The following FLNA variants were observed in gnomAD, a reference collection of about 807,000 sequenced individuals.
FLNA encodes the protein filamin A.
FLNA carries 7 observed loss-of-function variants against 157.6 expected under a neutral mutation model. The ratio of observed to expected loss-of-function variants is 0.04; its 90% CI spans 0.03 to 0.08. The LOEUF (loss-of-function observed/expected upper bound fraction) is 0.08. Among genes scored for constraint, FLNA ranks in the 10% least tolerant of loss-of-function variants. The pLI is 1.00. For synonymous variants in FLNA, 1,103 were observed against 1,060.8 expected (o/e 1.04, Z -0.77); for missense variants, 1,750 against 2,398.4 (o/e 0.73, Z 5.65).
At position 154,349,535 on chromosome X, in the gene FLNA, T is replaced by C; in HGVS notation, c.7583A>G (p.His2528Arg). The C allele has an allele frequency of 8.3e-7, 1 of 1,212,053 alleles. No homozygotes were observed. The highest frequency in any genetic ancestry group is 3.0e-5 in the East Asian group (1 of 33,857). ...GTCTACAAACACTGATGATGTCTCG[T>C]GGAGGCTGTGGTTGCTGACGAGACG... is the stretch of plus-strand genomic sequence containing the variant. ...GPRLVSNHSLHETSSVFVDSL... is the reference protein window; with the variant it reads ...GPRLVSNHSLRETSSVFVDSL... The change falls in exon 47 of 48, where the codon CAC (histidine) becomes CGC (arginine). Residue 2528 changes from histidine (H) to arginine (R), a missense_variant. His to Arg is a conservative substitution (Grantham distance 29, BLOSUM62 0). This residue lies in a region of FLNA where 970 missense variants were observed against 1,302.6 expected (regional missense o/e 0.74). Coordinates refer to ENST00000369850, the MANE Select transcript of FLNA (RefSeq NM_001110556.2).
rs2067608239 is a variant in FLNA at position 154,350,186 on chromosome X, A to T, written c.7178T>A (p.Ile2393Asn). The T allele has an allele frequency of 8.3e-7, 1 of 1,211,636 alleles. No homozygotes were observed. Residue 2393 changes from isoleucine (I) to asparagine (N), a missense_variant, in exon 45 of 48, where the codon ATC becomes AAC. This residue lies in a region of FLNA where 970 missense variants were observed against 1,302.6 expected (regional missense o/e 0.74). Coordinates refer to ENST00000369850, the MANE Select transcript of FLNA (RefSeq NM_001110556.2). ...CAGGTAAACGCCATTCTCCCGAGGG[A>T]TGAAGCGCACAGCATACTTATCTGA... ...IDQDKYAVRF[I>N]PRENGVYLID...
intron 9 of FLNA, 82 bp downstream of exon 9, chrX:154,365,942 C>A (rs1242207602): frequency 1.0e-6 from 1 of 968,573 alleles, no homozygotes; most frequent in Admixed American, 2.7e-5. Context: ...CGGGCTGCAG[C>A]GGGACTGGCC....
intron 44 of FLNA, 31 bp from the exon 45 acceptor site, chrX:154,350,238 G>A (rs1557175478): frequency 8.5e-7 from 1 of 1,181,091 alleles, no homozygotes; most frequent in Non-Finnish European, 1.2e-6. Context: ...CTGTGGGCCT[G>A]GGGCCCCTCC....
At position 154,349,466 on chromosome X, in the gene FLNA, C is replaced by T. The variant is rs1557175283; in HGVS notation, c.7652G>A (p.Gly2551Asp). 8.3e-7 allele frequency: 1 copy of T among 1,211,873 alleles called. No individual in the cohort carries two copies. Among genetic ancestry groups the T allele is most frequent in the East Asian group, 3.0e-5 (1 of 33,883 alleles). ...CTTGCTGGCGTCAGCAGGCCCAGGA[C>T]CCGGGGCCCCATGCTGGGGGGCACA... Reference protein sequence around the residue: ...ATCAPQHGAPGPGPADASKVV... With the variant: ...ATCAPQHGAPDPGPADASKVV... The change falls in exon 47 of 48, where the codon GGT (glycine) becomes GAT (aspartate). Residue 2551 changes from glycine (G) to aspartate (D), a missense_variant. Coordinates refer to ENST00000369850, the MANE Select transcript of FLNA (RefSeq NM_001110556.2).
At position 154,358,971 on chromosome X, in the gene FLNA, T is replaced by C. The variant is rs2067682749; in HGVS notation, c.4474+13A>G. The C allele has an allele frequency of 8.3e-7, 1 of 1,208,599 alleles. No homozygotes were observed. The highest frequency in any genetic ancestry group is 1.1e-6 in the Non-Finnish European group (1 of 894,365). On this transcript the variant is annotated intron_variant, in intron 26 of 47. Transcript: ENST00000369850. ...CCCTCCTGACCCCTGGCTCCAGGCA[T>C]GCAAACACTCACCTTTGGGCCCTTG... is the stretch of plus-strand genomic sequence containing the variant.
At position 154,366,747 on chromosome X, in the gene FLNA, G is replaced by C. The variant is rs781806385; in HGVS notation, c.972C>G (p.Ala324=). The change falls in exon 6 of 48, where the codon GCC becomes GCG. Residue 324 remains alanine, a synonymous_variant. Transcript: ENST00000369850. ...GEVLVYVEDP[A]GHQEEAKVTA... ...CTGGCCCTACCTCCTCCTGGTGTCCGGCCGGGTCCTCCACGTACACCAGCA... is the reference window on the plus strand; with the variant it reads ...CTGGCCCTACCTCCTCCTGGTGTCCCGCCGGGTCCTCCACGTACACCAGCA... The C allele has an allele frequency of 3.3e-6, 4 of 1,209,952 alleles. No individual in the cohort carries two copies. In the East Asian group the frequency reaches 8.9e-5, roughly 27 times the overall value.
chrX:154,358,586 G>A lies in FLNA; in HGVS notation c.4475-18C>T. On this transcript the variant is annotated intron_variant, in intron 26 of 47. Coordinates refer to ENST00000369850, the MANE Select transcript of FLNA (RefSeq NM_001110556.2). ...CACCAGGCCTGGCCCCAGCCCCAGG[G>A]ACAGAGCATCAGCTAGTCTCCTGGG... 1 of 1,207,257 alleles carries A rather than the reference G, an allele frequency of 8.3e-7. No individual in the cohort carries two copies. Among genetic ancestry groups the A allele is most frequent in the South Asian group, 1.8e-5 (1 of 56,906 alleles).
chrX:154,351,763 T>C (rs2067621578), intron 42 of FLNA, 67 bp from the exon 43 acceptor site: 1 of 1,117,680 alleles, frequency 8.9e-7, no homozygotes, highest in Non-Finnish European at 1.2e-6. Context: ...ACGAACAGCC[T>C]GGGTGGCCCT....
At chrX:154,371,925 G>C (rs1471158318) in intron 1 of FLNA, among the ~76,000 whole-genome samples, 1 of 113,689 alleles carries the variant, frequency 8.8e-6, no homozygotes, top group Non-Finnish European at 1.9e-5. Flanking sequence ...AGGCACTGCC[G>C]AGGGCGCTTT....
At chrX:154,367,798 T>A (rs782028351) in intron 3 of FLNA, 44 bp downstream of exon 3, 26 of 1,208,652 alleles carry the variant, frequency 2.2e-5, no homozygotes, top group Non-Finnish European at 2.9e-5. Context: ...GGGCCACCCA[T>A]GGGTGACCCC....
chrX:154,353,371 G>A lies in FLNA; in HGVS notation c.5947C>T (p.Leu1983=). The change falls in exon 37 of 48, where the codon CTG becomes TTG. Residue 1983 remains leucine, a synonymous_variant. Coordinates refer to ENST00000369850, the MANE Select transcript of FLNA (RefSeq NM_001110556.2). ...GAGGGCGGGACCACAGTGGCCGTCAGCAGGCTGAGATCCGTCTCTGAGATG... is the reference window on the plus strand; with the variant it reads ...GAGGGCGGGACCACAGTGGCCGTCAACAGGCTGAGATCCGTCTCTGAGATG... The part of the protein sequence containing the change: ...INISETDLSL[L]TATVVPPSGR... 1.7e-6 allele frequency: 2 copies of A among 1,211,973 alleles called. No homozygotes were observed. Among genetic ancestry groups the A allele is most frequent in the Non-Finnish European group, 2.2e-6 (2 of 895,618 alleles).
At chrX:154,361,195 G>GAAA (rs34190826) in intron 21 of FLNA, 113 bp downstream of exon 21, 156 of 584,494 alleles carry the variant, frequency 2.7e-4, no homozygotes, top group African/African-American at 2.2e-3. Context: ...TCTGTCTCAG[G>GAAA]AAAAAAAAAA....
chrX:154,352,127 AC>A (rs1557175916), intron 41 of FLNA, 53 bp downstream of exon 41: 2 of 1,205,124 alleles, frequency 1.7e-6, no homozygotes, highest in Non-Finnish European at 2.2e-6. Context: ...TCCACCCCCA[AC>A]CCCACCCTGG....
In FLNA at chrX:154,349,507, A is replaced by G; in HGVS notation, c.7611T>C (p.Ser2537=). The G allele has an allele frequency of 8.2e-7, 1 of 1,212,254 alleles. No homozygotes were observed. Among genetic ancestry groups the G allele is most frequent in the Non-Finnish European group, 1.1e-6 (1 of 895,547 alleles). The change falls in exon 47 of 48, where the codon TCT becomes TCC. Residue 2537 remains serine (S), a synonymous_variant. Coordinates refer to ENST00000369850, the MANE Select transcript of FLNA (RefSeq NM_001110556.2). ...GGGGGGCACAGGTGGCCTTGGTCAG[A>G]GAGTCTACAAACACTGATGATGTCT... ...LHETSSVFVD[S]LTKATCAPQH...
rs1213345162 is a variant in FLNA, at chrX:154,367,360, T to C, written c.868+37A>G. The C allele has an allele frequency of 2.2e-5, 26 of 1,202,398 alleles. No homozygotes were observed. In the Admixed American group the frequency reaches 5.2e-4, roughly 24 times the overall value. On this transcript the variant is annotated intron_variant, in intron 5 of 47. Coordinates refer to ENST00000369850, the MANE Select transcript of FLNA (RefSeq NM_001110556.2). Reference sequence around the variant, plus strand: ...GGGACACTGTCTTATGGGGAAGACGTTGGCACACGGGTGCACCCCTGGTGG... The same window carrying C: ...GGGACACTGTCTTATGGGGAAGACGCTGGCACACGGGTGCACCCCTGGTGG...
chrX:154,360,228 G>T lies in FLNA; in HGVS notation c.3567C>A (p.Gly1189=), dbSNP rs1557177732. 8.3e-7 allele frequency: 1 copy of T among 1,210,887 alleles called. No homozygotes were observed. Among genetic ancestry groups the T allele is most frequent in the African/African-American group, 1.7e-5 (1 of 57,842 alleles). Residue 1189 remains glycine (G), a synonymous_variant, in exon 22 of 48, where the codon GGC becomes GGA. Transcript: ENST00000369850. Reference sequence around the variant, plus strand: ...AGATCTCAATGGTCAGCTCCGCGCTGCCCGCGCTCGAGCAGTCCACTTGGA... The same window carrying T: ...AGATCTCAATGGTCAGCTCCGCGCTTCCCGCGCTCGAGCAGTCCACTTGGA... The part of the protein sequence containing the change: ...GQFQVDCSSA[G]SAELTIEICS...
chrX:154,364,664 G>A lies in FLNA; in HGVS notation c.1884C>T (p.Asp628=), dbSNP rs781794611. Residue 628 remains aspartate, a synonymous_variant, in exon 13 of 48, where the codon GAC becomes GAT. Transcript: ENST00000369850. ...QAKIECDDKG[D]GSCDVRYWPQ... ...GCCAGTAGCGCACATCACAGGAGCC[G>A]TCGCCCTTGTCGTCACATTCGATCT... The A allele has an allele frequency of 5.8e-6, 7 of 1,210,277 alleles. No homozygotes were observed. Among genetic ancestry groups the A allele is most frequent in the South Asian group, 1.8e-5 (1 of 56,904 alleles).
chrX:154,353,437 A>C lies in FLNA; in HGVS notation c.5881T>G (p.Ser1961Ala). ...RVTGDDSMRM[S>A]HLKVGSAADI... ...GCAGCAGAGCCGACCTTTAGGTGGG[A>C]CATACGCATGGAGTCGTCACCTGGT... Residue 1961 changes from serine to alanine, a missense_variant, in exon 37 of 48, where the codon TCC (serine) becomes GCC (alanine). Ser to Ala is a moderately conservative substitution (Grantham distance 99). This residue lies in a region of FLNA where 970 missense variants were observed against 1,302.6 expected (regional missense o/e 0.74). Transcript: ENST00000369850. 8.3e-7 allele frequency: 1 copy of C among 1,211,616 alleles called. No homozygotes were observed. The highest frequency in any genetic ancestry group is 3.0e-5 in the East Asian group (1 of 33,870).
intron 30 of FLNA, among the ~76,000 whole-genome samples, chrX:154,355,762 G>C (rs1387868905): frequency 8.8e-6 from 1 of 113,052 alleles, no homozygotes; most frequent in African/African-American, 3.2e-5. Context: ...TGGGTTGCGA[G>C]GGCAGAGCAG....
Sources: gnomAD v4.1 joint callset for allele counts (sites outside exome capture counted in the v4.1 genomes callset) on GRCh38, gnomAD v4.1.1 for gene constraint, gnomAD v4.1.1 regional missense constraint, MANE v1.5 for transcripts, NCBI Gene and HGNC (gene_info 2026-07-23, HGNC 2026-07-21) for gene names.